Variants in CALD1 observed in about 807,000 individuals in gnomAD.
The protein encoded by CALD1 is caldesmon.
In CALD1, 33 loss-of-function variants were observed where a neutral mutation model predicts 99.9. That is an observed-to-expected ratio of 0.33 (90% CI 0.25 to 0.44). The LOEUF is 0.44. Ranked by LOEUF, CALD1 falls within the 20% of genes least tolerant of loss-of-function variation. The probability of loss-of-function intolerance (pLI) is 1.00; values close to 1 mark genes in which losing one functional copy is unlikely to be tolerated. For synonymous variants in CALD1, 310 were observed against 325.0 expected (o/e 0.95, Z 0.50); for missense variants, 861 against 962.1 (o/e 0.89, Z 1.39).
intron 9 of CALD1, among the ~76,000 whole-genome samples, chr7:134,953,654 T>C (rs1807537118): frequency 7.0e-6 from 1 of 143,694 alleles, no homozygotes; most frequent in African/African-American, 2.6e-5. Flanking sequence ...AATTCTACTG[T>C]GGTTTTTTTT....
intron 1 of CALD1, among the ~76,000 whole-genome samples, chr7:134,784,504 GCA>G (rs1797231502): frequency 6.6e-6 from 1 of 152,210 alleles, no homozygotes; most frequent in Non-Finnish European, 1.5e-5. Flanking sequence ...GCTAAGTTGT[GCA>G]TGACAGCCAG....
At chr7:134,823,318 T>C (rs1478070586) in intron 1 of CALD1, among the ~76,000 whole-genome samples, 1 of 152,204 alleles carries the variant, frequency 6.6e-6, no homozygotes, top group Non-Finnish European at 1.5e-5. Context: ...TTCAGCCTGT[T>C]AGATGACTGG....
chr7:134,778,902 G>A (rs568187562), upstream of CALD1, among the ~76,000 whole-genome samples: 1 of 152,330 alleles, frequency 6.6e-6, no homozygotes, highest in South Asian at 2.1e-4. Context: ...ATCCAAGCCT[G>A]TAGGACCTTA....
chr7:134,797,017 T>A (rs1797770477), intron 1 of CALD1, among the ~76,000 whole-genome samples: 5 of 151,206 alleles, frequency 3.3e-5, no homozygotes, highest in Admixed American at 3.3e-4. Context: ...TAGTAAGAAT[T>A]TTTTTTTTCT....
Position 134,933,174 on chromosome 7 carries a change from A to G in CALD1, c.405A>G (p.Arg135=). ...ATGCAAGTCTGTCGCTCCCAAGCAG[A>G]AGAATGCAAAATGACACAGCAGAAA... The part of the protein sequence containing the change: ...ITDASLSLPS[R]RMQNDTAENE... Residue 135 remains arginine, a synonymous_variant, in exon 5 of 15, where the codon AGA becomes AGG. Coordinates refer to ENST00000361675, the MANE Select transcript of CALD1 (RefSeq NM_033138.4). The G allele has an allele frequency of 6.2e-7, 1 of 1,613,322 alleles. No individual in the cohort carries two copies. Among genetic ancestry groups the G allele is most frequent in the Non-Finnish European group, 8.5e-7 (1 of 1,179,876 alleles).
intron 14 of CALD1, among the ~76,000 whole-genome samples, chr7:134,967,267 T>A (rs975952163): frequency 2.0e-5 from 3 of 151,970 alleles, no homozygotes; most frequent in Admixed American, 6.6e-5. Flanking sequence ...TGCCACTAAC[T>A]TCTTTCTACA....
intron 1 of CALD1, among the ~76,000 whole-genome samples, chr7:134,770,011 G>A (rs1327393668): frequency 6.6e-6 from 1 of 151,990 alleles, no homozygotes; most frequent in African/African-American, 2.4e-5. Flanking sequence ...CTTTGTAGAT[G>A]GTGGCTTTTT....
At chr7:134,794,630 G>A (rs943339867) in intron 1 of CALD1, among the ~76,000 whole-genome samples, 1 of 152,106 alleles carries the variant, frequency 6.6e-6, no homozygotes, top group African/African-American at 2.4e-5. Flanking sequence ...GGGATTACAG[G>A]TGTGTGCCAC....
In CALD1 at chr7:134,755,023, T is replaced by C. The variant is rs1203671140; in HGVS notation, c.-130+10660T>C. The stretch of plus-strand genomic sequence containing the variant: ...TTTTTTTATTATTATTATTTTTAGA[T>C]GGAGTCTCACTCTGTCACCCAGGCT... On this transcript the variant is annotated intron_variant, in intron 1 of 13. Coordinates refer to the CALD1 transcript ENST00000417172. 9.9e-5 allele frequency among the ~76,000 whole-genome samples: 15 copies of C among 152,016 alleles called. 1 individual carries two copies. Among genetic ancestry groups the C allele is most frequent in the Admixed American group, 9.8e-4 (15 of 15,250 alleles).
Position 134,928,857 on chromosome 7 carries a change from T to C in CALD1, c.175T>C (p.Leu59=). The C allele has an allele frequency of 6.2e-7, 1 of 1,613,862 alleles. No homozygotes were observed. Among genetic ancestry groups the C allele is most frequent in the Non-Finnish European group, 8.5e-7 (1 of 1,179,914 alleles). The part of the protein sequence containing the change: ...RLRQKQEEES[L]GQVTDQVEVN... ...GCGGCAGAAGCAGGAGGAAGAATCC[T>C]TGGGACAGGTGACCGACCAGGTGGA... is the stretch of plus-strand genomic sequence containing the variant. Residue 59 remains leucine (L), a synonymous_variant, in exon 4 of 15, where the codon TTG becomes CTG. Coordinates refer to ENST00000361675, the MANE Select transcript of CALD1 (RefSeq NM_033138.4).
At chr7:134,823,828 T>C (rs572608508) in intron 1 of CALD1, among the ~76,000 whole-genome samples, 52 of 152,354 alleles carry the variant, frequency 3.4e-4, no homozygotes, top group South Asian at 1.4e-3. Flanking sequence ...AACTTACTTT[T>C]ATTTCAACAA....
chr7:134,861,202 C>G (rs1679742311), intron 2 of CALD1, among the ~76,000 whole-genome samples: 1 of 152,148 alleles, frequency 6.6e-6, no homozygotes, highest in Non-Finnish European at 1.5e-5. Context: ...CCAACCAGCT[C>G]ACTTTATAGA....
At position 134,851,391 on chromosome 7, in the gene CALD1, C is replaced by T. The variant is rs548135315; in HGVS notation, c.-42+7420C>T. ...GATGCTCTACCTGCAAACAGTGTTC[C>T]GGTTAACCTACCTATCCCTGTTTCT... is the stretch of plus-strand genomic sequence containing the variant. On this transcript the variant is annotated intron_variant, in intron 2 of 14. Coordinates refer to ENST00000361675, the MANE Select transcript of CALD1 (RefSeq NM_033138.4). 3.9e-5 allele frequency among the ~76,000 whole-genome samples: 6 copies of T among 152,214 alleles called. No individual in the cohort carries two copies. In the South Asian group the frequency reaches 1.2e-3, roughly 32 times the overall value.
intron 3 of CALD1, among the ~76,000 whole-genome samples, chr7:134,896,695 T>A (rs1802600371): frequency 6.6e-6 from 1 of 152,210 alleles, no homozygotes; most frequent in African/African-American, 2.4e-5. Context: ...TCTCCTTACC[T>A]TTGATCTATT....
intron 1 of CALD1, among the ~76,000 whole-genome samples, chr7:134,784,522 T>C (rs1797232639): frequency 6.6e-6 from 1 of 152,072 alleles, no homozygotes; most frequent in Non-Finnish European, 1.5e-5. Flanking sequence ...GCCAGGTGAG[T>C]AAAGAAGAAA....
At chr7:134,946,374 G>A (rs959737958) in intron 7 of CALD1, among the ~76,000 whole-genome samples, 5 of 152,150 alleles carry the variant, frequency 3.3e-5, no homozygotes, top group African/African-American at 1.2e-4. Context: ...TAAAAGTACA[G>A]TTAAGTAGTG....
intron 1 of CALD1, chr7:134,821,872 T>C (rs12673459): frequency 0.61 from 92,921 of 152,032 alleles, 28,845 homozygotes; most frequent in East Asian, 0.95. Flanking sequence ...TGAGCCACTG[T>C]GCCCCGCCAA....
At chr7:134,735,897 G>A in the CALD1 span, among the ~76,000 whole-genome samples, 1 of 152,158 alleles carries the variant, frequency 6.6e-6, no homozygotes, top group African/African-American at 2.4e-5. Flanking sequence ...GAAATACCTT[G>A]GGGACATTGA....
chr7:134,753,020 A>AC (rs1796698776), intron 1 of CALD1, among the ~76,000 whole-genome samples: 1 of 99,922 alleles, frequency 1.0e-5, no homozygotes, highest in African/African-American at 4.9e-5. Context: ...GAAAAAAAAA[A>AC]AACAAAAAAA....
Sources: allele counts gnomAD v4.1 joint callset (sites outside exome capture counted in the v4.1 genomes callset), GRCh38; gene constraint gnomAD v4.1.1; transcripts MANE v1.5; gene names NCBI Gene and HGNC (gene_info 2026-07-23, HGNC 2026-07-21).